Variants in ZNF326 observed in about 807,000 individuals in gnomAD.
ZNF326 encodes the protein DBIRD complex subunit ZNF326.
Under a neutral mutation model 63.1 loss-of-function variants are expected in ZNF326, and 30 were observed. The ratio of observed to expected loss-of-function variants is 0.48; its 90% CI spans 0.36 to 0.64. ZNF326 has a LOEUF of 0.64. Ranked by LOEUF, ZNF326 falls within the 30% of genes least tolerant of loss-of-function variation. The probability of loss-of-function intolerance (pLI) is 0.00; values close to 1 mark genes in which losing one functional copy is unlikely to be tolerated. For missense variants in ZNF326, 609 were observed against 720.3 expected (o/e 0.85, Z 1.77); for synonymous variants, 194 against 228.2 (o/e 0.85, Z 1.35).
chr1:90,020,887 C>A lies in ZNF326; in HGVS notation c.1270C>A (p.His424Asn). 1 of 1,613,138 alleles carries A rather than the reference C, an allele frequency of 6.2e-7. No individual in the cohort carries two copies. Among genetic ancestry groups the A allele is most frequent in the Non-Finnish European group, 8.5e-7 (1 of 1,179,334 alleles). ...IPALHSSVQQ[H>N]LKSPDHIKGK... ...TGCTTTACATAGTTCAGTTCAGCAGCACTTAAAATCTCCTGATCATATCAA... is the reference window on the plus strand; with the variant it reads ...TGCTTTACATAGTTCAGTTCAGCAGAACTTAAAATCTCCTGATCATATCAA... Residue 424 changes from histidine to asparagine, a missense_variant, in exon 10 of 12, where the codon CAC (histidine) becomes AAC (asparagine). His to Asn is a moderately conservative substitution (Grantham distance 68, BLOSUM62 1). Around this residue, in one of 3 missense-constraint regions of ZNF326, gnomAD observed 399 missense variants for 444.3 expected, o/e 0.90. Coordinates refer to ENST00000340281, the MANE Select transcript of ZNF326 (RefSeq NM_182976.4).
intron 11 of ZNF326, among the ~76,000 whole-genome samples, chr1:90,024,979 T>TG (rs1253834388): frequency 2.0e-5 from 2 of 98,466 alleles, no homozygotes; most frequent in Non-Finnish European, 4.0e-5. Context: ...ATTTTTTTCC[T>TG]GTTTTTTTTT....
chr1:89,999,680 A>T (rs532077595), intron 2 of ZNF326, among the ~76,000 whole-genome samples: 391 of 152,302 alleles, frequency 2.6e-3, no homozygotes, highest in African/African-American at 8.6e-3. Flanking sequence ...GTTGTGCAAA[A>T]CTACTCTGAA....
chr1:89,999,624 A>G (rs917377948), intron 2 of ZNF326, among the ~76,000 whole-genome samples: 34 of 152,136 alleles, frequency 2.2e-4, no homozygotes, highest in Non-Finnish European at 2.8e-4. Context: ...CATAGCCTAT[A>G]CCTCTTGAAT....
chr1:89,999,151 A>G (rs1285957864), intron 2 of ZNF326, among the ~76,000 whole-genome samples: 2 of 152,212 alleles, frequency 1.3e-5, no homozygotes, highest in African/African-American at 2.4e-5. Context: ...AAGCCATTTC[A>G]TAAGTTTTGA....
In ZNF326 at chr1:90,029,263, C is replaced by G. The variant is rs1425916589; in HGVS notation, c.*1562C>G. The G allele has an allele frequency of 6.7e-6, 1 of 148,578 alleles. No homozygotes were observed. Among genetic ancestry groups the G allele is most frequent in the Non-Finnish European group, 1.5e-5 (1 of 67,538 alleles). The allele number at this position is 148,578 out of a possible 1,614,324, so 9.2% of individuals were successfully genotyped here. The stretch of plus-strand genomic sequence containing the variant: ...TTTGTGTAAAATAAGGCTTTTAAAA[C>G]TAGACTTTCTGAACCAATACAGTTT... On this transcript the variant is annotated 3_prime_UTR_variant, in exon 12 of 12. Coordinates refer to ENST00000340281, the MANE Select transcript of ZNF326 (RefSeq NM_182976.4).
At position 90,031,327 on chromosome 1, in the gene ZNF326, G is replaced by A. The variant is rs1211437259; in HGVS notation, c.*3626G>A. ...AAGAACTACAAAGGTAAATGTTAGT[G>A]CATGTTGAAATGTATTTAAGAACTC... On this transcript the variant is annotated 3_prime_UTR_variant, in exon 12 of 12. Transcript: ENST00000340281. 1 of 152,174 alleles carries A rather than the reference G, an allele frequency of 6.6e-6. No individual in the cohort carries two copies. Among genetic ancestry groups the A allele is most frequent in the East Asian group, 1.9e-4 (1 of 5,200 alleles). The allele number at this position is 152,174 out of a possible 1,614,324, so 9.4% of individuals were successfully genotyped here.
At chr1:90,013,421 A>C (rs1649349009) in intron 7 of ZNF326, among the ~76,000 whole-genome samples, 184 bp downstream of exon 7, 1 of 152,238 alleles carries the variant, frequency 6.6e-6, no homozygotes, top group Admixed American at 6.5e-5. Context: ...CATAAGAAAA[A>C]AGGCATTCTA....
At chr1:89,995,385 G>GAGGC in intron 1 of ZNF326, 112 bp downstream of exon 1, 1 of 1,356,152 alleles carries the variant, frequency 7.4e-7, no homozygotes, top group Non-Finnish European at 9.7e-7. Flanking sequence ...TGCGGGCCCG[G>GAGGC]AGGCCGCCCG....
At chr1:89,998,048 A>C in intron 1 of ZNF326, 62 bp from the exon 2 acceptor site, 1 of 1,462,822 alleles carries the variant, frequency 6.8e-7, no homozygotes, top group Non-Finnish European at 9.4e-7. Flanking sequence ...CTGGATCGGC[A>C]TATAATTTTG....
At chr1:90,010,050 A>G (rs1231407723) in intron 5 of ZNF326, 38 bp from the exon 6 acceptor site, 8 of 1,572,034 alleles carry the variant, frequency 5.1e-6, no homozygotes, top group South Asian at 1.2e-5. Flanking sequence ...TTTTTCTTGG[A>G]CAATATGCTA....
At chr1:90,016,870 T>C (rs935710257) in intron 7 of ZNF326, among the ~76,000 whole-genome samples, 6 of 152,248 alleles carry the variant, frequency 3.9e-5, no homozygotes, top group Admixed American at 3.9e-4. Flanking sequence ...GCAAGACTTT[T>C]ATCACCCAAG....
intron 5 of ZNF326, 111 bp from the exon 6 acceptor site, chr1:90,009,977 C>T: frequency 1.9e-6 from 2 of 1,026,516 alleles, no homozygotes; most frequent in Admixed American, 2.7e-5. Flanking sequence ...TAGTTACATT[C>T]CAGGGAATTT....
chr1:90,027,400 TAGA>T lies in ZNF326; in HGVS notation c.1451_1453del (p.Glu484del), dbSNP rs772259469. 7 of 1,613,544 alleles carry T rather than the reference TAGA, an allele frequency of 4.3e-6. No homozygotes were observed. In the East Asian group the frequency reaches 8.9e-5, roughly 21 times the overall value. On this transcript the variant is annotated inframe_deletion, in exon 12 of 12. Coordinates refer to ENST00000340281, the MANE Select transcript of ZNF326 (RefSeq NM_182976.4). ...CAAGACCATTCTCAGGATCAGCAAA[TAGA>T]AGGAGATGAGGAGGATGAAGAGAAG...
At position 90,030,360 on chromosome 1, in the gene ZNF326, A is replaced by G. The variant is rs958321666; in HGVS notation, c.*2659A>G. On this transcript the variant is annotated 3_prime_UTR_variant, in exon 12 of 12. Transcript: ENST00000340281. ...TCATGCTTTTTTTTTTTTTGTACCT[A>G]TACAGTTAGAACTCCTTATCATGTT... is the stretch of plus-strand genomic sequence containing the variant. 5 of 148,994 alleles carry G rather than the reference A, an allele frequency of 3.4e-5. No homozygotes were observed. The highest frequency in any genetic ancestry group is 1.3e-4 in the Admixed American group (2 of 15,000). The allele number at this position is 148,994 out of a possible 1,614,324, so 9.2% of individuals were successfully genotyped here. A position where few individuals can be genotyped will look rare whatever the true frequency, so the allele number is the denominator to read the frequency against.
At chr1:90,006,561 G>T (rs1648999983) in intron 4 of ZNF326, 1 of 767,246 alleles carries the variant, frequency 1.3e-6, no homozygotes, top group Admixed American at 6.2e-5. Context: ...GTAGTTTTAT[G>T]TGATAATTTC....
intron 11 of ZNF326, among the ~76,000 whole-genome samples, 191 bp downstream of exon 11, chr1:90,022,536 C>T (rs561774751): frequency 6.6e-6 from 1 of 152,258 alleles, no homozygotes; most frequent in Admixed American, 6.5e-5. Context: ...GCAGTGATTC[C>T]TCTCTTATCA....
At chr1:89,997,475 G>C (rs966373689) in intron 1 of ZNF326, among the ~76,000 whole-genome samples, 5 of 152,028 alleles carry the variant, frequency 3.3e-5, no homozygotes, top group Admixed American at 1.3e-4. Flanking sequence ...CTGGATTCAA[G>C]TGATTCTTCT....
At position 90,020,936 on chromosome 1, in the gene ZNF326, C is replaced by T; in HGVS notation, c.1305+14C>T. On this transcript the variant is annotated intron_variant, in intron 10 of 11. Transcript: ENST00000340281. ...AAAGGGAAGCAGGTAAAATTTTCATCTGTCTTAATAAAGTTGCCAGATTAT... is the reference window on the plus strand; with the variant it reads ...AAAGGGAAGCAGGTAAAATTTTCATTTGTCTTAATAAAGTTGCCAGATTAT... 1 of 1,610,488 alleles carries T rather than the reference C, an allele frequency of 6.2e-7. No homozygotes were observed. Among genetic ancestry groups the T allele is most frequent in the African/African-American group, 1.3e-5 (1 of 74,896 alleles).
At chr1:90,021,515 T>G (rs952525930) in intron 10 of ZNF326, among the ~76,000 whole-genome samples, 1 of 152,128 alleles carries the variant, frequency 6.6e-6, no homozygotes, top group Admixed American at 6.5e-5. Flanking sequence ...CCTGAAAAAT[T>G]TACTGTCTTC....
Sources: allele counts gnomAD v4.1 joint callset (sites outside exome capture counted in the v4.1 genomes callset), GRCh38; gene constraint gnomAD v4.1.1; regional missense constraint gnomAD v4.1.1; transcripts MANE v1.5; gene names NCBI Gene and HGNC (gene_info 2026-07-23, HGNC 2026-07-21).